SPEF2: variants seen among roughly 807,000 people sequenced by gnomAD.
The protein encoded by SPEF2 is sperm flagellar and cilia associated 2.
In SPEF2, 187 loss-of-function variants were observed where a neutral mutation model predicts 224.6. That is an observed-to-expected ratio of 0.83 (90% CI 0.74 to 0.94). The LOEUF is 0.94. SPEF2 is among the 40% of genes least tolerant of loss of function. The probability of loss-of-function intolerance (pLI) is 0.00; values close to 1 mark genes in which losing one functional copy is unlikely to be tolerated. For synonymous variants in SPEF2, 715 were observed against 707.3 expected (o/e 1.01, Z -0.17); for missense variants, 2,170 against 2,135.6 (o/e 1.02, Z -0.32).
rs1389809853 is a variant in SPEF2 at position 35,795,732 on chromosome 5, T to C, written c.4767T>C (p.Asp1589=). The C allele has an allele frequency of 9.9e-6, 16 of 1,614,038 alleles. No homozygotes were observed. In the East Asian group the frequency reaches 1.8e-4, roughly 18 times the overall value. ...QAGLWFTGDE[D]IKIPENPLEP... ...GTCTGTGGTTTACAGGAGATGAAGATATAAAAATTCCAGAAAATCCTCTTG... is the reference window on the plus strand; with the variant it reads ...GTCTGTGGTTTACAGGAGATGAAGACATAAAAATTCCAGAAAATCCTCTTG... The change falls in exon 33 of 37, where the codon GAT becomes GAC. Residue 1589 remains aspartate, a synonymous_variant. Transcript: ENST00000356031.
At chr5:35,663,915 A>G (rs1750076584) in intron 8 of SPEF2, among the ~76,000 whole-genome samples, 1 of 152,126 alleles carries the variant, frequency 6.6e-6, no homozygotes, top group Non-Finnish European at 1.5e-5. Flanking sequence ...AACTTTGGGG[A>G]GGCTGCTCCA....
chr5:35,692,437 AAAG>A (rs1409398669), intron 11 of SPEF2, 130 bp from the exon 12 acceptor site: 16 of 695,390 alleles, frequency 2.3e-5, no homozygotes, highest in Middle Eastern at 4.5e-4. Flanking sequence ...ACAAAACAAA[AAAG>A]AAACTTGATC....
In SPEF2 at chr5:35,649,424, A is replaced by G. The variant is rs1395244203; in HGVS notation, c.790A>G (p.Ser264Gly). The G allele has an allele frequency of 6.2e-7, 1 of 1,610,194 alleles. No individual in the cohort carries two copies. The highest frequency in any genetic ancestry group is 1.1e-5 in the South Asian group (1 of 90,300). The change falls in exon 6 of 37, where the codon AGT becomes GGT. Residue 264 changes from serine to glycine, a missense_variant and splice_region_variant. By Grantham distance (56) the Ser-to-Gly change is moderately conservative. Coordinates refer to ENST00000356031, the MANE Select transcript of SPEF2 (RefSeq NM_024867.4). ...AAAAAAGGATCTCCAAGCAAAAGAA[A>G]GGTGAGATGTGAGCTATTTTAAGAA... Reference protein sequence around the residue: ...LIKKDLQAKESASKTSLDTAG... With the variant: ...LIKKDLQAKEGASKTSLDTAG...
chr5:35,808,853 AATAT>A (rs898349374), intron 36 of SPEF2, among the ~76,000 whole-genome samples: 18 of 147,688 alleles, frequency 1.2e-4, no homozygotes, highest in Admixed American at 7.5e-4. Context: ...ATATTTTTTA[AATAT>A]ATATGTAAAA....
intron 8 of SPEF2, among the ~76,000 whole-genome samples, chr5:35,661,459 G>A (rs1349565642): frequency 6.6e-6 from 1 of 150,966 alleles, no homozygotes; most frequent in Admixed American, 6.6e-5. Flanking sequence ...GGGTATAAGT[G>A]CAGGTTTGTT....
chr5:35,676,454 T>A (rs1191521885), intron 10 of SPEF2, among the ~76,000 whole-genome samples: 1 of 152,182 alleles, frequency 6.6e-6, no homozygotes, highest in African/African-American at 2.4e-5. Flanking sequence ...ATAGGCTGTT[T>A]GCGGGGGCTC....
At chr5:35,768,041 ATTG>A in intron 26 of SPEF2, among the ~76,000 whole-genome samples, 1 of 151,734 alleles carries the variant, frequency 6.6e-6, no homozygotes, top group Non-Finnish European at 1.5e-5. Flanking sequence ...GGTTGTTGTT[ATTG>A]TTGTTGTTGT....
intron 23 of SPEF2, among the ~76,000 whole-genome samples, chr5:35,742,363 G>A (rs1747783268): frequency 6.6e-6 from 1 of 151,898 alleles, no homozygotes; most frequent in African/African-American, 2.4e-5. Flanking sequence ...TTAAGATTAT[G>A]CTTATTTTTA....
intron 34 of SPEF2, among the ~76,000 whole-genome samples, chr5:35,805,444 G>C (rs1561392890): frequency 6.6e-6 from 1 of 152,072 alleles, no homozygotes; most frequent in Non-Finnish European, 1.5e-5. Flanking sequence ...ACAATCTATA[G>C]ACTTGATACT....
intron 23 of SPEF2, among the ~76,000 whole-genome samples, chr5:35,750,141 G>A (rs184941067): frequency 1.1e-3 from 167 of 152,206 alleles, no homozygotes; most frequent in African/African-American, 3.8e-3. Context: ...TGGGATAATT[G>A]GCTAGCCACT....
At chr5:35,738,229 T>C (rs1282573498) in intron 21 of SPEF2, among the ~76,000 whole-genome samples, 3 of 152,278 alleles carry the variant, frequency 2.0e-5, no homozygotes, top group South Asian at 2.1e-4. Context: ...TAGATCCCAA[T>C]TGTCAATTTT....
Position 35,800,081 on chromosome 5 carries a change from C to T in SPEF2, c.4944C>T (p.Ala1648=). 4 of 1,614,082 alleles carry T rather than the reference C, an allele frequency of 2.5e-6. No homozygotes were observed. Among genetic ancestry groups the T allele is most frequent in the Non-Finnish European group, 3.4e-6 (4 of 1,180,016 alleles). ...HPDTVEGVYR[A]LSVAVGTHVF... is the part of the protein sequence containing the mutation. ...ACACCGTGGAAGGAGTCTACAGGGC[C>T]CTCAGTGTGGCTGTTGGAACTCATG... Residue 1648 remains alanine, a synonymous_variant, in exon 34 of 37, where the codon GCC becomes GCT. Transcript: ENST00000356031.
chr5:35,676,702 C>T (rs565414085), intron 10 of SPEF2, among the ~76,000 whole-genome samples: 7 of 152,058 alleles, frequency 4.6e-5, no homozygotes, highest in African/African-American at 1.7e-4. Context: ...GCACTCCAGC[C>T]TGGGTGACAG....
At chr5:35,760,569 A>G (rs560512541) in intron 25 of SPEF2, among the ~76,000 whole-genome samples, 32 of 152,314 alleles carry the variant, frequency 2.1e-4, no homozygotes, top group African/African-American at 7.7e-4. Flanking sequence ...TTAATAGTCT[A>G]ACATCAGATT....
chr5:35,780,799 A>G (rs1158295139), intron 30 of SPEF2, among the ~76,000 whole-genome samples: 4 of 152,178 alleles, frequency 2.6e-5, no homozygotes, highest in African/African-American at 2.4e-5. Flanking sequence ...TCACTCAATT[A>G]ATAGGTAAAA....
At chr5:35,721,218 A>G (rs1453394751) in intron 20 of SPEF2, among the ~76,000 whole-genome samples, 1 of 152,182 alleles carries the variant, frequency 6.6e-6, no homozygotes, top group Admixed American at 6.5e-5. Flanking sequence ...GCTTTTTCCT[A>G]ATTTCACTCA....
intron 23 of SPEF2, among the ~76,000 whole-genome samples, chr5:35,752,560 G>T (rs1749822555): frequency 6.1e-5 from 1 of 16,264 alleles, no homozygotes; most frequent in South Asian, 2.1e-3. Flanking sequence ...GCCTCTCAAA[G>T]TGTTGGGATT....
chr5:35,720,018 T>C (rs1743327883), intron 20 of SPEF2, among the ~76,000 whole-genome samples: 1 of 152,190 alleles, frequency 6.6e-6, no homozygotes, highest in Non-Finnish European at 1.5e-5. Flanking sequence ...AGTAGAGATT[T>C]ACTCCTTAAA....
At chr5:35,790,399 C>A in intron 30 of SPEF2, 1 of 491,774 alleles carries the variant, frequency 2.0e-6, no homozygotes, top group Non-Finnish European at 3.6e-6. Context: ...ATTTTTGTTG[C>A]TTAGCAATGT....
Sources: allele counts gnomAD v4.1 joint callset (sites outside exome capture counted in the v4.1 genomes callset), GRCh38; gene constraint gnomAD v4.1.1; transcripts MANE v1.5; gene names NCBI Gene and HGNC (gene_info 2026-07-23, HGNC 2026-07-21).